Variants in PARD3 observed in about 807,000 individuals in gnomAD.
The protein encoded by PARD3 is par-3 family cell polarity regulator.
PARD3 carries 75 observed loss-of-function variants against 155.4 expected under a neutral mutation model. The observed-to-expected ratio is 0.48, with a 90% CI of 0.40 to 0.58. The LOEUF is 0.58. Among genes scored for constraint, PARD3 ranks in the 20% least tolerant of loss-of-function variants. The pLI, the probability that PARD3 is intolerant of heterozygous loss-of-function variation, is 0.00. For synonymous variants in PARD3, 576 were observed against 610.5 expected (o/e 0.94, Z 0.83); for missense variants, 1,642 against 1,721.7 (o/e 0.95, Z 0.82).
intron 3 of PARD3, among the ~76,000 whole-genome samples, chr10:34,471,822 G>C (rs1259648856): frequency 6.6e-6 from 1 of 152,194 alleles, no homozygotes; most frequent in Admixed American, 6.5e-5. Context: ...GCCCCAAAAA[G>C]TGCTGGGATT....
intron 2 of PARD3, among the ~76,000 whole-genome samples, chr10:34,528,921 G>A (rs1755412159): frequency 6.6e-6 from 1 of 152,126 alleles, no homozygotes; most frequent in South Asian, 2.1e-4. Flanking sequence ...ATGCAGAATG[G>A]AGACTTATTT....
At chr10:34,737,587 C>A (rs554595392) in intron 1 of PARD3, among the ~76,000 whole-genome samples, 2 of 152,198 alleles carry the variant, frequency 1.3e-5, no homozygotes, top group Non-Finnish European at 2.9e-5. Context: ...TAATCCCCAA[C>A]GCAACAGTAG....
rs370362120 is a variant in PARD3 at position 34,795,606 on chromosome 10, T to C, written c.120+19270A>G. On this transcript the variant is annotated intron_variant, in intron 1 of 24. Coordinates refer to ENST00000374788, the MANE Select transcript of PARD3 (RefSeq NM_001184785.2). ...GCCTGGGCAACAGAGCAAGACCCTG[T>C]CTCAAAAAAAAACCGGGCGTGGTGG... 1.3e-4 allele frequency among the ~76,000 whole-genome samples: 19 copies of C among 146,546 alleles called. No individual in the cohort carries two copies. In the East Asian group the frequency reaches 3.1e-3, roughly 24 times the overall value.
intron 2 of PARD3, among the ~76,000 whole-genome samples, chr10:34,604,559 C>T (rs1449006523): frequency 1.3e-5 from 2 of 148,474 alleles, no homozygotes; most frequent in Admixed American, 1.4e-4. Context: ...ATTTAATAAA[C>T]TCTCCTTTAT....
chr10:34,676,929 T>G (rs1056804696), intron 2 of PARD3, among the ~76,000 whole-genome samples: 1 of 152,202 alleles, frequency 6.6e-6, no homozygotes. Context: ...GGTATTACTT[T>G]CTGCATAGTC....
chr10:34,454,602 A>T (rs1023399480), intron 4 of PARD3, among the ~76,000 whole-genome samples: 1 of 148,850 alleles, frequency 6.7e-6, no homozygotes, highest in Non-Finnish European at 1.5e-5. Flanking sequence ...TTATGACTTT[A>T]TTTAAAAGAT....
chr10:34,633,831 C>A (rs1590327563), intron 2 of PARD3, among the ~76,000 whole-genome samples: 3 of 152,212 alleles, frequency 2.0e-5, no homozygotes, highest in Non-Finnish European at 2.9e-5. Flanking sequence ...CACATCCTCA[C>A]AATACTGGTC....
chr10:34,420,353 A>G (rs1038968483), intron 5 of PARD3, among the ~76,000 whole-genome samples: 10 of 152,164 alleles, frequency 6.6e-5, no homozygotes, highest in African/African-American at 2.4e-4. Flanking sequence ...CTTTATTCCT[A>G]CTTGTTTTAG....
intron 2 of PARD3, 127 bp downstream of exon 2, chr10:34,696,191 A>G: frequency 1.6e-6 from 1 of 620,708 alleles, no homozygotes; most frequent in Non-Finnish European, 2.9e-6. Context: ...AAAATATACT[A>G]GAGTGGGTGG....
chr10:34,345,209 G>C (rs190988559), intron 15 of PARD3: 1 of 983,720 alleles, frequency 1.0e-6, no homozygotes, highest in Non-Finnish European at 1.2e-6. Context: ...TCTGTTAAAT[G>C]GGAAAGTGTG....
chr10:34,545,492 C>G (rs1347937833), intron 2 of PARD3, among the ~76,000 whole-genome samples: 1 of 152,116 alleles, frequency 6.6e-6, no homozygotes, highest in Non-Finnish European at 1.5e-5. Flanking sequence ...TTATAACTGC[C>G]TTACAAAAAA....
At chr10:34,332,489 A>T (rs192406199) in intron 18 of PARD3, among the ~76,000 whole-genome samples, 1 of 152,322 alleles carries the variant, frequency 6.6e-6, no homozygotes, top group Admixed American at 6.5e-5. Flanking sequence ...TATGTTGATC[A>T]TGTTATTACC....
intron 3 of PARD3, among the ~76,000 whole-genome samples, chr10:34,514,343 A>G (rs965541828): frequency 6.6e-6 from 1 of 152,196 alleles, no homozygotes; most frequent in African/African-American, 2.4e-5. Context: ...ACCATTTACT[A>G]CTAACTATAG....
At chr10:34,117,370 G>A (rs757603155) in intron 24 of PARD3, among the ~76,000 whole-genome samples, 1 of 152,220 alleles carries the variant, frequency 6.6e-6, no homozygotes, top group Non-Finnish European at 1.5e-5. Flanking sequence ...GGCCATGCCA[G>A]GTGGGCCAAT....
chr10:34,529,544 G>A (rs2082698420), intron 2 of PARD3, among the ~76,000 whole-genome samples: 1 of 152,122 alleles, frequency 6.6e-6, no homozygotes, highest in South Asian at 2.1e-4. Context: ...CGAAATCTGA[G>A]TATAACTTTT....
Position 34,175,189 on chromosome 10 carries a change from C to T in PARD3, c.3420-43606G>A, listed in dbSNP as rs570608970. Among the ~76,000 whole-genome samples the T allele has an allele frequency of 2.6e-5, 4 of 152,296 alleles. No homozygotes were observed. In the South Asian group the frequency reaches 8.3e-4, roughly 32 times the overall value. ...AAAAAGAATCATTTGCCTTTATATA[C>T]ACAAAACCCACATTAACTTCATGGA... On this transcript the variant is annotated intron_variant, in intron 22 of 24. Coordinates refer to ENST00000374788, the MANE Select transcript of PARD3 (RefSeq NM_001184785.2).
At chr10:34,740,273 A>G (rs1250265754) in intron 1 of PARD3, among the ~76,000 whole-genome samples, 1 of 152,208 alleles carries the variant, frequency 6.6e-6, no homozygotes, top group African/African-American at 2.4e-5. Flanking sequence ...GAGCTGCAGG[A>G]GAGGGCTCCG....
At chr10:34,380,404 C>T (rs1841706479) in intron 9 of PARD3, among the ~76,000 whole-genome samples, 1 of 152,036 alleles carries the variant, frequency 6.6e-6, no homozygotes, top group Non-Finnish European at 1.5e-5. Context: ...TCTAAATTAG[C>T]TTGTGTAAAT....
At chr10:34,730,523 C>T (rs1351857257) in intron 1 of PARD3, among the ~76,000 whole-genome samples, 1 of 152,222 alleles carries the variant, frequency 6.6e-6, no homozygotes, top group Non-Finnish European at 1.5e-5. Flanking sequence ...GGAGCTCACG[C>T]CTGTAATCCC....
Sources: allele counts gnomAD v4.1 joint callset (sites outside exome capture counted in the v4.1 genomes callset), GRCh38; gene constraint gnomAD v4.1.1; transcripts MANE v1.5; gene names NCBI Gene and HGNC (gene_info 2026-07-23, HGNC 2026-07-21).